Variants in CSGALNACT1 observed in about 807,000 individuals in gnomAD.
CSGALNACT1 encodes chondroitin sulfate N-acetylgalactosaminyltransferase 1.
Under a neutral mutation model 51.0 loss-of-function variants are expected in CSGALNACT1, and 52 were observed. That is an observed-to-expected ratio of 1.02 (90% confidence interval 0.82 to 1.29). CSGALNACT1 has a LOEUF of 1.29. Among genes scored for constraint, CSGALNACT1 ranks in the 50% most tolerant of loss-of-function variants. CSGALNACT1 has a pLI of 0.00. For synonymous variants in CSGALNACT1, 341 were observed against 254.4 expected (o/e 1.34, Z -3.24); for missense variants, 935 against 679.2 (o/e 1.38, Z -4.19).
chr8:19,652,019 C>T (rs898649940), intron 1 of CSGALNACT1, among the ~76,000 whole-genome samples: 5 of 152,244 alleles, frequency 3.3e-5, no homozygotes, highest in East Asian at 3.9e-4. Flanking sequence ...CAACCTTCAC[C>T]GCCTGGGCTC....
Position 19,495,410 on chromosome 8 carries a change from C to G in CSGALNACT1, c.634+9791G>C, listed in dbSNP as rs1475929658. 3.9e-5 allele frequency among the ~76,000 whole-genome samples: 6 copies of G among 152,330 alleles called. No homozygotes were observed. In the South Asian group the frequency reaches 6.2e-4, roughly 16 times the overall value. ...GACCAGCCCATAAAAACCTCTTTAA[C>G]CCATCGTATGCCTGCAGTATGGCAT... On this transcript the variant is annotated intron_variant, in intron 4 of 9. Transcript: ENST00000454498.
Position 19,447,714 on chromosome 8 carries a change from C to T in CSGALNACT1, c.852-7783G>A, listed in dbSNP as rs111418986. ...CCTTGGTTCTCGACCACTGTCTTGACGGAGAAACAAGCTCAGTAATAAAAA... is the reference window on the plus strand; with the variant it reads ...CCTTGGTTCTCGACCACTGTCTTGATGGAGAAACAAGCTCAGTAATAAAAA... On this transcript the variant is annotated intron_variant, in intron 5 of 9. Transcript: ENST00000454498. 4.9e-3 allele frequency among the ~76,000 whole-genome samples: 750 copies of T among 152,176 alleles called. 4 individuals are homozygous for T. Among genetic ancestry groups the T allele is most frequent in the African/African-American group, 0.015 (623 of 41,516 alleles).
chr8:19,665,909 G>T (rs1466699697), intron 1 of CSGALNACT1, among the ~76,000 whole-genome samples: 1 of 152,122 alleles, frequency 6.6e-6, no homozygotes, highest in Non-Finnish European at 1.5e-5. Flanking sequence ...AAGATCAATG[G>T]ACCTACATTC....
chr8:19,498,009 G>T (rs2075772450), intron 4 of CSGALNACT1, among the ~76,000 whole-genome samples: 1 of 152,140 alleles, frequency 6.6e-6, no homozygotes, highest in Non-Finnish European at 1.5e-5. Context: ...GATGTCTCAT[G>T]TCTCCCTAAA....
chr8:19,752,839 G>A (rs1238710627), intron 1 of CSGALNACT1, among the ~76,000 whole-genome samples: 1 of 152,200 alleles, frequency 6.6e-6, no homozygotes. Flanking sequence ...AATTATCTGT[G>A]CAGCAAAGTA....
intron 1 of CSGALNACT1, among the ~76,000 whole-genome samples, chr8:19,620,796 G>A (rs1182025958): frequency 6.6e-6 from 1 of 152,122 alleles, no homozygotes; most frequent in Non-Finnish European, 1.5e-5. Context: ...AGGGTAGTGG[G>A]TGAGAAAGAA....
At chr8:19,435,506 A>G (rs1314048610) in intron 6 of CSGALNACT1, among the ~76,000 whole-genome samples, 1 of 151,538 alleles carries the variant, frequency 6.6e-6, no homozygotes, top group Non-Finnish European at 1.5e-5. Context: ...AAAAAAAAAA[A>G]ATTCCTATTA....
At chr8:19,430,822 T>C (rs2059545932) in intron 6 of CSGALNACT1, among the ~76,000 whole-genome samples, 1 of 152,184 alleles carries the variant, frequency 6.6e-6, no homozygotes, top group African/African-American at 2.4e-5. Context: ...GAACATGGGA[T>C]GTCTTTCCAT....
intron 4 of CSGALNACT1, among the ~76,000 whole-genome samples, chr8:19,493,601 C>T (rs1482594888): frequency 6.6e-6 from 1 of 152,188 alleles, no homozygotes; most frequent in Non-Finnish European, 1.5e-5. Context: ...GACATGTAGT[C>T]TTTGACATCT....
intron 1 of CSGALNACT1, among the ~76,000 whole-genome samples, chr8:19,716,795 A>G (rs2062839719): frequency 6.6e-6 from 1 of 152,018 alleles, no homozygotes; most frequent in Non-Finnish European, 1.5e-5. Context: ...TTTTCTCAAA[A>G]AAAAAAAATT....
rs1554794475 is a variant in CSGALNACT1 at position 19,666,831 on chromosome 8, G to GAAAGAA, written c.-544+15641_-544+15642insTTCTTT. Among the ~76,000 whole-genome samples the GAAAGAA allele has an allele frequency of 5.9e-3, 147 of 24,920 alleles. 5 individuals carry two copies. Among genetic ancestry groups the GAAAGAA allele is most frequent in the Admixed American group, 7.7e-3 (18 of 2,330 alleles). The allele number at this position is 24,920 out of a possible 152,430, so 16.3% of individuals were successfully genotyped here. A position where few individuals can be genotyped will look rare whatever the true frequency, so the allele number is the denominator to read the frequency against. ...AGAAAGAGAGAGAGAGAGAGAGAGA[G>GAAAGAA]AGAAAGAAAGAAAGAAAGAAAGAAA... On this transcript the variant is annotated intron_variant, in intron 1 of 9. Coordinates refer to the CSGALNACT1 transcript ENST00000332246.
At position 19,505,884 on chromosome 8, in the gene CSGALNACT1, G is replaced by A. The variant is rs772427895; in HGVS notation, c.-50C>T. 12 of 1,600,374 alleles carry A rather than the reference G, an allele frequency of 7.5e-6. No homozygotes were observed. In the African/African-American group the frequency reaches 8.0e-5, roughly 11 times the overall value. On this transcript the variant is annotated 5_prime_UTR_variant, in exon 4 of 10. Transcript: ENST00000454498. ...ACCGGTGGCATCCCTCAAAGCCGGG[G>A]CCCCCACGGAAGGGCTTCCCTGGGC... is the stretch of plus-strand genomic sequence containing the variant.
At chr8:19,516,212 C>T (rs548287428) in intron 3 of CSGALNACT1, among the ~76,000 whole-genome samples, 11 of 152,230 alleles carry the variant, frequency 7.2e-5, no homozygotes, top group Admixed American at 1.3e-4. Flanking sequence ...ATCCTCAAAA[C>T]GATCCTATGA....
intron 1 of CSGALNACT1, among the ~76,000 whole-genome samples, chr8:19,663,275 T>C (rs2058915106): frequency 1.3e-5 from 2 of 152,304 alleles, no homozygotes; most frequent in African/African-American, 2.4e-5. Flanking sequence ...TACTTAATTG[T>C]ACCTGAGGTT....
At chr8:19,544,084 T>C (rs1365970122) in intron 3 of CSGALNACT1, among the ~76,000 whole-genome samples, 9 of 147,546 alleles carry the variant, frequency 6.1e-5, no homozygotes, top group Non-Finnish European at 1.2e-4. Flanking sequence ...ACTTTTTTTT[T>C]TTTTTAAACA....
chr8:19,731,972 A>T (rs886602507), intron 1 of CSGALNACT1, among the ~76,000 whole-genome samples: 1 of 152,238 alleles, frequency 6.6e-6, no homozygotes, highest in Non-Finnish European at 1.5e-5. Flanking sequence ...TAGAGCTTTG[A>T]TCTGCATAAT....
At chr8:19,450,612 C>T (rs910313489) in intron 5 of CSGALNACT1, among the ~76,000 whole-genome samples, 1 of 152,108 alleles carries the variant, frequency 6.6e-6, no homozygotes, top group Non-Finnish European at 1.5e-5. Flanking sequence ...AAAATGAAGT[C>T]ATTTGCAGGT....
intron 2 of CSGALNACT1, among the ~76,000 whole-genome samples, chr8:19,593,732 C>T (rs1032623861): frequency 6.6e-6 from 1 of 152,216 alleles, no homozygotes; most frequent in African/African-American, 2.4e-5. Context: ...CACTGTGCAG[C>T]TCCTCTCATT....
At chr8:19,645,050 G>C (rs17128780) in intron 1 of CSGALNACT1, among the ~76,000 whole-genome samples, 5,231 of 152,178 alleles carry the variant, frequency 0.034, 317 homozygotes, top group African/African-American at 0.12. Flanking sequence ...AATCATCAAA[G>C]TTCAATTCAT....
Sources: allele counts gnomAD v4.1 joint callset (sites outside exome capture counted in the v4.1 genomes callset), GRCh38; gene constraint gnomAD v4.1.1; transcripts MANE v1.5; gene names NCBI Gene and HGNC (gene_info 2026-07-23, HGNC 2026-07-21).